BLCAP: variants seen among roughly 807,000 people sequenced by gnomAD.
BLCAP encodes the protein apoptosis inducing factor BLCAP.
In BLCAP, 1 loss-of-function variant was observed where a neutral mutation model predicts 5.7. The observed-to-expected ratio is 0.18, with a 90% CI of 0.06 to 0.83. The LOEUF is 0.83. Among genes scored for constraint, BLCAP ranks in the 40% least tolerant of loss-of-function variants. BLCAP has a pLI of 0.71. For synonymous variants in BLCAP, 48 were observed against 49.4 expected (o/e 0.97, Z 0.11); for missense variants, 66 against 107.6 (o/e 0.61, Z 1.71).
At chr20:37,519,404 C>CAAAAAAAAA (rs543149253) in intron 1 of BLCAP, 54 bp from the exon 2 acceptor site, 9 of 42,946 alleles carry the variant, frequency 2.1e-4, no homozygotes, top group African/African-American at 4.0e-4. Context: ...GACAGACAGA[C>CAAAAAAAAA]AAAAAAAAAA....
chr20:37,518,841 T>A lies in BLCAP; in HGVS notation c.*70A>T. The A allele has an allele frequency of 6.4e-7, 1 of 1,558,944 alleles. No homozygotes were observed. The highest frequency in any genetic ancestry group is 8.7e-7 in the Non-Finnish European group (1 of 1,154,826). On this transcript the variant is annotated 3_prime_UTR_variant, in exon 2 of 2. Coordinates refer to ENST00000373537, the MANE Select transcript of BLCAP (RefSeq NM_006698.4). Reference sequence around the variant, plus strand: ...GAGGCTGCGGGATTTGAAACTCCAATGCTTTATGACCTATGTCAATGCCTC... The same window carrying A: ...GAGGCTGCGGGATTTGAAACTCCAAAGCTTTATGACCTATGTCAATGCCTC...
chr20:37,522,472 G>A (rs1292327785), intron 1 of BLCAP: 4 of 1,583,938 alleles, frequency 2.5e-6, no homozygotes, highest in Admixed American at 1.7e-5. Context: ...TCAGCTTGCC[G>A]CCATGCAGCT....
chr20:37,522,047 A>G (rs1019023329), intron 1 of BLCAP, among the ~76,000 whole-genome samples: 109 of 151,916 alleles, frequency 7.2e-4, no homozygotes, highest in Non-Finnish European at 1.0e-4. Flanking sequence ...GCAGAAAAAA[A>G]TTAGACAAGG....
Position 37,521,442 on chromosome 20 carries a change from A to C in BLCAP, c.-176-2092T>G, listed in dbSNP as rs780845226. 1.9e-6 allele frequency: 3 copies of C among 1,593,276 alleles called. No individual in the cohort carries two copies. Among genetic ancestry groups the C allele is most frequent in the East Asian group, 2.2e-5 (1 of 44,742 alleles). On this transcript the variant is annotated intron_variant, in intron 1 of 1. Coordinates refer to ENST00000373537, the MANE Select transcript of BLCAP (RefSeq NM_006698.4). This position sits in a 1 kb window ranked among gnomAD's most constrained non-coding sequence, Gnocchi z 4.5. ...GGTTTCGGGTGGGAGAGGGTTCCCAACTCGCGCCCCTAGAACCCGCAAGAC... is the reference window on the plus strand; with the variant it reads ...GGTTTCGGGTGGGAGAGGGTTCCCACCTCGCGCCCCTAGAACCCGCAAGAC...
intron 1 of BLCAP, among the ~76,000 whole-genome samples, chr20:37,520,753 C>T (rs1282861167): frequency 6.6e-6 from 1 of 152,238 alleles, no homozygotes; most frequent in Non-Finnish European, 1.5e-5. Context: ...AGGACCTGGG[C>T]TTAAAACTCA....
At position 37,521,355 on chromosome 20, in the gene BLCAP, G is replaced by T. The variant is rs756533842; in HGVS notation, c.-176-2005C>A. 17 of 1,613,948 alleles carry T rather than the reference G, an allele frequency of 1.1e-5. No individual in the cohort carries two copies. Among genetic ancestry groups the T allele is most frequent in the Non-Finnish European group, 1.4e-5 (16 of 1,179,974 alleles). The stretch of plus-strand genomic sequence containing the variant: ...CCATGGCGGCAGTGGCGGCGGCCTC[G>T]GCTGAACTGCTCATCATCGGCTGGT... On this transcript the variant is annotated intron_variant, in intron 1 of 1. Coordinates refer to ENST00000373537, the MANE Select transcript of BLCAP (RefSeq NM_006698.4). This position sits in a 1 kb window ranked among gnomAD's most constrained non-coding sequence, Gnocchi z 4.5.
Position 37,521,338 on chromosome 20 carries a change from G to T in BLCAP, c.-176-1988C>A. The T allele has an allele frequency of 1.9e-6, 3 of 1,614,046 alleles. No individual in the cohort carries two copies. Among genetic ancestry groups the T allele is most frequent in the Non-Finnish European group, 2.5e-6 (3 of 1,179,922 alleles). ...ACCTACCATTCTTGGAACCATGGCGGCAGTGGCGGCGGCCTCGGCTGAACT... is the reference window on the plus strand; with the variant it reads ...ACCTACCATTCTTGGAACCATGGCGTCAGTGGCGGCGGCCTCGGCTGAACT... On this transcript the variant is annotated intron_variant, in intron 1 of 1. Transcript: ENST00000373537. This position sits in a 1 kb window ranked among gnomAD's most constrained non-coding sequence, Gnocchi z 4.5.
At chr20:37,520,356 T>C (rs557341175) in intron 1 of BLCAP, 1 of 152,348 alleles carries the variant, frequency 6.6e-6, no homozygotes, top group African/African-American at 2.4e-5. Flanking sequence ...AACCCTCCGG[T>C]AGCGGTAGCG....
chr20:37,521,613 C>T lies in BLCAP; in HGVS notation c.-176-2263G>A, dbSNP rs999458789. The T allele has an allele frequency of 1.8e-5, 10 of 569,252 alleles. No homozygotes were observed. The highest frequency in any genetic ancestry group is 1.9e-5 in the Non-Finnish European group (6 of 320,370). The allele number at this position is 569,252 out of a possible 1,614,324, so 35.3% of individuals were successfully genotyped here. A position where few individuals can be genotyped will look rare whatever the true frequency, so the allele number is the denominator to read the frequency against. On this transcript the variant is annotated intron_variant, in intron 1 of 1. Transcript: ENST00000373537. The surrounding 1 kb of genome is among the most constrained non-coding windows in gnomAD (Gnocchi z 4.5). ...CTGACCCTCCCTAGTGCGCCCGCGCCTGCCAGGGAACAAAGACTCGGGGCG... is the reference window on the plus strand; with the variant it reads ...CTGACCCTCCCTAGTGCGCCCGCGCTTGCCAGGGAACAAAGACTCGGGGCG...
intron 1 of BLCAP, chr20:37,522,424 A>T (rs2071616114): frequency 2.7e-5 from 43 of 1,613,916 alleles, no homozygotes; most frequent in Non-Finnish European, 3.1e-5. Flanking sequence ...GACACAGCCC[A>T]TTGCGAGAAG....
At chr20:37,519,427 A>AAAAAAAAAAG (rs2071494143) in intron 1 of BLCAP, 77 bp from the exon 2 acceptor site, 1 of 130,410 alleles carries the variant, frequency 7.7e-6, no homozygotes, top group African/African-American at 1.6e-4. Flanking sequence ...AAAAAAAGAA[A>AAAAAAAAAAG]AAAAAAAAAA....
intron 1 of BLCAP, chr20:37,527,455 G>T (rs2071743463): frequency 6.6e-6 from 1 of 152,076 alleles, no homozygotes; most frequent in South Asian, 2.1e-4. Flanking sequence ...TGGAACCCGG[G>T]GCTGCAGAGA....
Position 37,521,270 on chromosome 20 carries a change from C to A in BLCAP, c.-176-1920G>T, listed in dbSNP as rs915187802. On this transcript the variant is annotated intron_variant, in intron 1 of 1. Transcript: ENST00000373537. The surrounding 1 kb of genome is among the most constrained non-coding windows in gnomAD (Gnocchi z 4.5). ...GCGGCAGTGCGCCCAACAGCGGACT[C>A]CGAGACCAGCGGATCTCGGCAAACC... 6.4e-7 allele frequency: 1 copy of A among 1,570,722 alleles called. No homozygotes were observed. Among genetic ancestry groups the A allele is most frequent in the Non-Finnish European group, 8.8e-7 (1 of 1,141,060 alleles).
intron 1 of BLCAP, chr20:37,520,424 T>A (rs756885685): frequency 1.4e-4 from 21 of 152,304 alleles, no homozygotes; most frequent in Non-Finnish European, 2.3e-4. Flanking sequence ...CCCCACTGGC[T>A]AAGGCCGACC....
chr20:37,526,470 G>A (rs1373066729), intron 1 of BLCAP, among the ~76,000 whole-genome samples: 2 of 152,064 alleles, frequency 1.3e-5, no homozygotes, highest in Admixed American at 6.6e-5. Flanking sequence ...CCCTCCCACA[G>A]GGCCCATGCA....
At chr20:37,522,214 G>C (rs1422746402) in intron 1 of BLCAP, 1 of 394,216 alleles carries the variant, frequency 2.5e-6, no homozygotes, top group Non-Finnish European at 4.4e-6. Context: ...AAATAAAAAA[G>C]AGGCAAAAGC....
In BLCAP at chr20:37,518,885, C is replaced by G; in HGVS notation, c.*26G>C. 6.2e-7 allele frequency: 1 copy of G among 1,610,704 alleles called. No homozygotes were observed. The highest frequency in any genetic ancestry group is 8.5e-7 in the Non-Finnish European group (1 of 1,178,152). On this transcript the variant is annotated 3_prime_UTR_variant, in exon 2 of 2. Transcript: ENST00000373537. ...ATGCCTCCCCTCCCGTCTTCTGCTT[C>G]CTTGGAAAGCTAACAGGGCAGGCCG...
rs1322814788 is a variant in BLCAP at position 37,517,860 on chromosome 20, T to TCCC, written c.*1048_*1050dup. On this transcript the variant is annotated 3_prime_UTR_variant, in exon 2 of 2. Coordinates refer to ENST00000373537, the MANE Select transcript of BLCAP (RefSeq NM_006698.4). ...GTCCAGTGTGCTGGTCACTCTGCAA[T>TCCC]CCCCATGCTAAATAAAAACTGTAGC... The TCCC allele has an allele frequency of 1.3e-5, 2 of 152,588 alleles. No homozygotes were observed. The highest frequency in any genetic ancestry group is 2.9e-5 in the Non-Finnish European group (2 of 68,028). 9.5% of individuals were successfully genotyped at this position (152,588 alleles called of 1,614,324 possible).
At position 37,521,220 on chromosome 20, in the gene BLCAP, T is replaced by G; in HGVS notation, c.-176-1870A>C. 1.8e-6 allele frequency: 2 copies of G among 1,102,024 alleles called. No individual in the cohort carries two copies. Among genetic ancestry groups the G allele is most frequent in the Non-Finnish European group, 1.4e-6 (1 of 726,230 alleles). 68.3% of individuals were successfully genotyped at this position (1,102,024 alleles called of 1,614,324 possible). A position where few individuals can be genotyped will look rare whatever the true frequency, so the allele number is the denominator to read the frequency against. ...CATGCGCACTTAGGTGGCGGGCGGGTACTTAAGGCGCGGCCACCGCGGCTG... is the reference window on the plus strand; with the variant it reads ...CATGCGCACTTAGGTGGCGGGCGGGGACTTAAGGCGCGGCCACCGCGGCTG... On this transcript the variant is annotated intron_variant, in intron 1 of 1. Transcript: ENST00000373537. This position sits in a 1 kb window ranked among gnomAD's most constrained non-coding sequence, Gnocchi z 4.5.
Sources: gnomAD v4.1 joint callset for allele counts (sites outside exome capture counted in the v4.1 genomes callset) on GRCh38, gnomAD v4.1.1 for gene constraint, Gnocchi (gnomAD v3.1) non-coding constraint, MANE v1.5 for transcripts, NCBI Gene and HGNC (gene_info 2026-07-23, HGNC 2026-07-21) for gene names.